The following TMTC1 variants were observed in gnomAD, a reference collection of about 807,000 sequenced individuals.
TMTC1 encodes the protein transmembrane O-mannosyltransferase targeting cadherins 1.
A neutral mutation model predicts 104.8 loss-of-function variants in TMTC1; 73 were observed. The observed-to-expected ratio is 0.70, with a 90% CI of 0.58 to 0.85. The LOEUF (loss-of-function observed/expected upper bound fraction) is 0.85, where lower values mean the gene tolerates loss of function less well. Among genes scored for constraint, TMTC1 ranks in the 40% least tolerant of loss-of-function variants. The pLI, the probability that TMTC1 is intolerant of heterozygous loss-of-function variation, is 0.00. For missense variants in TMTC1, 1,035 were observed against 1,096.1 expected (o/e 0.94, Z 0.79); for synonymous variants, 434 against 428.7 (o/e 1.01, Z -0.15).
intron 7 of TMTC1, among the ~76,000 whole-genome samples, chr12:29,595,547 G>A (rs1418685981): frequency 6.6e-6 from 1 of 152,104 alleles, no homozygotes; most frequent in African/African-American, 2.4e-5. Context: ...GCAGTCCCAG[G>A]TCCCTCCCTT....
chr12:29,738,336 C>T (rs1332371274), intron 5 of TMTC1, among the ~76,000 whole-genome samples: 1 of 152,154 alleles, frequency 6.6e-6, no homozygotes, highest in East Asian at 1.9e-4. Flanking sequence ...AAAATTCCAT[C>T]AACAGGGCCC....
chr12:29,590,987 T>C (rs1210172915), intron 7 of TMTC1, among the ~76,000 whole-genome samples: 4 of 152,178 alleles, frequency 2.6e-5, no homozygotes, highest in Admixed American at 2.6e-4. Context: ...GGATCCCTGC[T>C]ATAACCAGAA....
chr12:29,660,927 C>A (rs1268981816), intron 5 of TMTC1: 1 of 1,226,236 alleles, frequency 8.2e-7, no homozygotes, highest in Non-Finnish European at 1.1e-6. Flanking sequence ...AGTGTGTCTA[C>A]CAGACACAAT....
chr12:29,619,923 G>A (rs1301526679), intron 6 of TMTC1, among the ~76,000 whole-genome samples: 1 of 152,140 alleles, frequency 6.6e-6, no homozygotes, highest in African/African-American at 2.4e-5. Flanking sequence ...GAAGCTCCCT[G>A]TCACTCAAGG....
intron 3 of TMTC1, among the ~76,000 whole-genome samples, chr12:29,756,161 T>G (rs544497758): frequency 4.1e-4 from 63 of 152,298 alleles, no homozygotes; most frequent in African/African-American, 1.4e-3. Context: ...GAAAAGATGT[T>G]TAAGTGAATA....
At chr12:29,641,569 T>C (rs1370918955) in intron 5 of TMTC1, among the ~76,000 whole-genome samples, 1 of 152,120 alleles carries the variant, frequency 6.6e-6, no homozygotes, top group Non-Finnish European at 1.5e-5. Context: ...GAACACACCG[T>C]GGGACAAAAG....
intron 10 of TMTC1, among the ~76,000 whole-genome samples, chr12:29,547,097 T>C (rs1288835440): frequency 6.6e-6 from 1 of 152,198 alleles, no homozygotes; most frequent in African/African-American, 2.4e-5. Flanking sequence ...ACTGAAACTC[T>C]TGCACTTGAC....
At chr12:29,607,381 T>C (rs1259612301) in intron 6 of TMTC1, among the ~76,000 whole-genome samples, 2 of 152,110 alleles carry the variant, frequency 1.3e-5, no homozygotes, top group African/African-American at 2.4e-5. Context: ...TCAGGCAGGA[T>C]ACAGAGGAAA....
intron 5 of TMTC1, among the ~76,000 whole-genome samples, chr12:29,710,182 G>A (rs998086351): frequency 6.6e-6 from 1 of 152,072 alleles, no homozygotes; most frequent in Non-Finnish European, 1.5e-5. Context: ...TCAAGCAGCT[G>A]CCACAATCTA....
intron 5 of TMTC1, among the ~76,000 whole-genome samples, chr12:29,675,628 A>ACC (rs1189822901): frequency 1.4e-4 from 11 of 76,440 alleles, no homozygotes; most frequent in South Asian, 4.0e-4. Context: ...ACACACACAC[A>ACC]CACCCTCCAT....
chr12:29,744,288 TATCA>T (rs1942897933), intron 5 of TMTC1, among the ~76,000 whole-genome samples: 1 of 152,180 alleles, frequency 6.6e-6, no homozygotes, highest in Non-Finnish European at 1.5e-5. Flanking sequence ...AGTTAGAAAC[TATCA>T]ACTGCTAAAT....
intron 5 of TMTC1, among the ~76,000 whole-genome samples, chr12:29,709,507 C>A (rs893654932): frequency 6.6e-6 from 1 of 151,666 alleles, no homozygotes; most frequent in Non-Finnish European, 1.5e-5. Flanking sequence ...TAAGAAAGAA[C>A]AATACATTTC....
intron 5 of TMTC1, among the ~76,000 whole-genome samples, chr12:29,720,823 C>T (rs978877231): frequency 6.6e-6 from 1 of 152,028 alleles, no homozygotes; most frequent in African/African-American, 2.4e-5. Flanking sequence ...ATATCCCAAG[C>T]AGGATAAATA....
At chr12:29,756,470 TA>T (rs1943218653) in intron 3 of TMTC1, among the ~76,000 whole-genome samples, 1 of 152,262 alleles carries the variant, frequency 6.6e-6, no homozygotes, top group Admixed American at 6.5e-5. Flanking sequence ...CAAAATATAA[TA>T]AGCATTTCTC....
intron 1 of TMTC1, among the ~76,000 whole-genome samples, chr12:29,777,960 T>C (rs185059567): frequency 2.6e-5 from 4 of 152,338 alleles, no homozygotes; most frequent in Admixed American, 2.6e-4. Context: ...GTTGTGGGCA[T>C]GGAGGTTAGC....
At position 29,725,719 on chromosome 12, in the gene TMTC1, A is replaced by G. The variant is rs561399988; in HGVS notation, c.938+25947T>C. The stretch of plus-strand genomic sequence containing the variant: ...CCAGTAATGAAGTTTTTGACATTTC[A>G]GGAAAAACGTTTATTTGATCTGCTA... On this transcript the variant is annotated intron_variant, in intron 5 of 17. Coordinates refer to ENST00000539277, the MANE Select transcript of TMTC1 (RefSeq NM_001193451.2). Among the ~76,000 whole-genome samples, 3 of 152,332 alleles carry G rather than the reference A, an allele frequency of 2.0e-5. No individual in the cohort carries two copies. In the South Asian group the frequency reaches 6.2e-4, roughly 32 times the overall value.
chr12:29,592,683 C>T (rs566894586), intron 7 of TMTC1, among the ~76,000 whole-genome samples: 1 of 152,306 alleles, frequency 6.6e-6, no homozygotes, highest in South Asian at 2.1e-4. Context: ...CACCCTGACA[C>T]TGTTGTTTGA....
intron 5 of TMTC1, among the ~76,000 whole-genome samples, chr12:29,645,990 C>T (rs563277977): frequency 6.6e-6 from 1 of 152,324 alleles, no homozygotes; most frequent in South Asian, 2.1e-4. Flanking sequence ...ATTCCCACTG[C>T]AAGCATATAG....
chr12:29,541,628 C>T (rs1944798833), intron 10 of TMTC1, among the ~76,000 whole-genome samples: 1 of 146,912 alleles, frequency 6.8e-6, no homozygotes, highest in East Asian at 2.0e-4. Flanking sequence ...TTCTTTGTTT[C>T]TGATACCACA....
Sources: gnomAD v4.1 joint callset for allele counts (sites outside exome capture counted in the v4.1 genomes callset) on GRCh38, gnomAD v4.1.1 for gene constraint, MANE v1.5 for transcripts, NCBI Gene and HGNC (gene_info 2026-07-23, HGNC 2026-07-21) for gene names.